Variants in CNTNAP5 observed in about 807,000 individuals in gnomAD.
CNTNAP5 encodes contactin associated protein family member 5.
A neutral mutation model predicts 150.2 loss-of-function variants in CNTNAP5; 72 were observed. The ratio of observed to expected loss-of-function variants is 0.48; its 90% confidence interval spans 0.40 to 0.58. The LOEUF is 0.58. CNTNAP5 is among the 20% of genes least tolerant of loss of function. The pLI is 0.00. For missense variants in CNTNAP5, 1,636 were observed against 1,626.2 expected (o/e 1.01, Z -0.10); for synonymous variants, 672 against 619.8 (o/e 1.08, Z -1.25).
intron 13 of CNTNAP5, among the ~76,000 whole-genome samples, chr2:124,650,787 A>G (rs188980684): frequency 1.3e-5 from 2 of 152,276 alleles, no homozygotes; most frequent in African/African-American, 4.8e-5. Flanking sequence ...CATTAACTAT[A>G]GAGTATTTTA....
chr2:124,873,318 A>G (rs2104729658), intron 21 of CNTNAP5, among the ~76,000 whole-genome samples: 1 of 152,250 alleles, frequency 6.6e-6, no homozygotes, highest in South Asian at 2.1e-4. Context: ...ATCCTCCCTC[A>G]TGAGCCAATC....
At chr2:124,655,648 A>C (rs973324775) in intron 13 of CNTNAP5, among the ~76,000 whole-genome samples, 4 of 151,912 alleles carry the variant, frequency 2.6e-5, no homozygotes, top group Admixed American at 2.0e-4. Context: ...CTTTAATCCC[A>C]GAGTTTTGAG....
chr2:124,674,546 T>TCTTTCTTCCTTTCTTCCTTTCTTC (rs1553430201), intron 13 of CNTNAP5, among the ~76,000 whole-genome samples: 1 of 130,224 alleles, frequency 7.7e-6, no homozygotes, highest in African/African-American at 3.0e-5. Context: ...TTTCTTTCTT[T>TCTTTCTTCCTTTCTTCCTTTCTTC]CTTTCTTCCT....
intron 19 of CNTNAP5, among the ~76,000 whole-genome samples, chr2:124,860,800 G>T (rs1389613864): frequency 6.6e-6 from 1 of 151,998 alleles, no homozygotes; most frequent in Non-Finnish European, 1.5e-5. Context: ...GCCAGGGAGG[G>T]CTTCTTATGA....
chr2:124,033,839 A>C (rs1470225035), intron 1 of CNTNAP5, among the ~76,000 whole-genome samples: 1 of 152,310 alleles, frequency 6.6e-6, no homozygotes, highest in East Asian at 1.9e-4. Flanking sequence ...CATATAGATA[A>C]GCTTTAAGAC....
At chr2:124,258,418 AAT>A (rs2104597808) in intron 3 of CNTNAP5, among the ~76,000 whole-genome samples, 1 of 152,312 alleles carries the variant, frequency 6.6e-6, no homozygotes, top group Non-Finnish European at 1.5e-5. Context: ...GAAGATTGTG[AAT>A]ATGTCGTATA....
At chr2:124,652,724 T>C (rs1678349303) in intron 13 of CNTNAP5, among the ~76,000 whole-genome samples, 1 of 152,118 alleles carries the variant, frequency 6.6e-6, no homozygotes, top group Non-Finnish European at 1.5e-5. Flanking sequence ...TATCCCACAA[T>C]TCTCTTGCAA....
At chr2:124,276,876 A>G (rs933710608) in intron 3 of CNTNAP5, among the ~76,000 whole-genome samples, 3 of 152,178 alleles carry the variant, frequency 2.0e-5, no homozygotes, top group African/African-American at 7.2e-5. Flanking sequence ...CTCAGTCTGA[A>G]GGCTGTTATT....
At chr2:124,708,271 G>T (rs1169906515) in intron 13 of CNTNAP5, among the ~76,000 whole-genome samples, 6 of 152,176 alleles carry the variant, frequency 3.9e-5, no homozygotes, top group Non-Finnish European at 8.8e-5. Context: ...GCACCTGGAT[G>T]CTAGCAAAAG....
chr2:124,374,947 A>G (rs1472579413), intron 3 of CNTNAP5, among the ~76,000 whole-genome samples: 3 of 152,128 alleles, frequency 2.0e-5, no homozygotes, highest in African/African-American at 7.2e-5. Flanking sequence ...GAGAAAATAA[A>G]TCATGGCTAT....
At chr2:124,095,439 C>T (rs193175400) in intron 1 of CNTNAP5, among the ~76,000 whole-genome samples, 1 of 152,210 alleles carries the variant, frequency 6.6e-6, no homozygotes, top group African/African-American at 2.4e-5. Context: ...TGCAGCAAAC[C>T]ACCATGGCAG....
At chr2:124,408,731 T>C (rs1162275914) in intron 3 of CNTNAP5, among the ~76,000 whole-genome samples, 4 of 150,378 alleles carry the variant, frequency 2.7e-5, no homozygotes, top group Admixed American at 2.6e-4. Flanking sequence ...CAAAAACCCA[T>C]CTGTACATCA....
At chr2:124,364,352 T>A (rs935931327) in intron 3 of CNTNAP5, among the ~76,000 whole-genome samples, 15 of 152,186 alleles carry the variant, frequency 9.9e-5, no homozygotes, top group Non-Finnish European at 2.1e-4. Flanking sequence ...GCGTTTGCAA[T>A]GAACCTCTTT....
At chr2:124,842,585 G>T (rs1682966664) in intron 19 of CNTNAP5, among the ~76,000 whole-genome samples, 1 of 152,142 alleles carries the variant, frequency 6.6e-6, no homozygotes, top group Admixed American at 6.6e-5. Context: ...AATGCATTTT[G>T]AGTTAAAGGT....
At chr2:124,602,473 A>G (rs1205501855) in intron 11 of CNTNAP5, among the ~76,000 whole-genome samples, 1 of 151,630 alleles carries the variant, frequency 6.6e-6, no homozygotes, top group African/African-American at 2.4e-5. Context: ...TGTTTGATGC[A>G]ACATCTTATT....
chr2:124,063,315 C>G (rs1682062402), intron 1 of CNTNAP5, among the ~76,000 whole-genome samples: 1 of 152,004 alleles, frequency 6.6e-6, no homozygotes, highest in African/African-American at 2.4e-5. Context: ...TCATCTTAAG[C>G]TAATTTGTAC....
rs771830048 is a variant in CNTNAP5 at position 124,855,777 on chromosome 2, T to A, written c.3218-9529T>A. Among the ~76,000 whole-genome samples the A allele has an allele frequency of 2.6e-4, 40 of 152,104 alleles. 1 individual carries two copies. The highest frequency in any genetic ancestry group is 2.9e-5 in the Non-Finnish European group (2 of 68,016). On this transcript the variant is annotated intron_variant, in intron 19 of 23. Transcript: ENST00000682447. ...GTATTTGGTTACATGAATAAGTTCTTTAGTGGTGATTTCTGAAATTTTGCT... is the reference window on the plus strand; with the variant it reads ...GTATTTGGTTACATGAATAAGTTCTATAGTGGTGATTTCTGAAATTTTGCT...
intron 1 of CNTNAP5, among the ~76,000 whole-genome samples, chr2:124,073,179 T>C (rs1682352111): frequency 6.6e-6 from 1 of 151,950 alleles, no homozygotes. Flanking sequence ...AAACTAGATC[T>C]CTATCCCTCA....
chr2:124,791,526 G>A (rs1681728504), intron 18 of CNTNAP5, among the ~76,000 whole-genome samples: 1 of 152,104 alleles, frequency 6.6e-6, no homozygotes, highest in Admixed American at 6.5e-5. Context: ...AGCACGAACA[G>A]AATAAATACT....
Sources: gnomAD v4.1 joint callset for allele counts (sites outside exome capture counted in the v4.1 genomes callset) on GRCh38, gnomAD v4.1.1 for gene constraint, MANE v1.5 for transcripts, NCBI Gene and HGNC (gene_info 2026-07-23, HGNC 2026-07-21) for gene names.